Variants in PHF14 observed in about 807,000 individuals in gnomAD.
PHF14 encodes PHD finger protein 14.
PHF14 carries 55 observed loss-of-function variants against 117.9 expected under a neutral mutation model. The ratio of observed to expected loss-of-function variants is 0.47; its 90% CI spans 0.38 to 0.58. PHF14 has a LOEUF of 0.58. PHF14 is among the 20% of genes least tolerant of loss of function. PHF14 has a pLI of 0.00. For missense variants in PHF14, 978 were observed against 1,122.2 expected, an observed-to-expected ratio of 0.87 and a Z score of 1.84; for synonymous variants, 409 against 368.6, an observed-to-expected ratio of 1.11 and a Z score of -1.26.
chr7:11,133,720 C>G (rs575982660), intron 17 of PHF14, among the ~76,000 whole-genome samples: 1 of 151,988 alleles, frequency 6.6e-6, no homozygotes, highest in Admixed American at 6.6e-5. Context: ...GCTCACAGTT[C>G]TGCTAATTAT....
intron 3 of PHF14, among the ~76,000 whole-genome samples, chr7:10,984,466 A>G (rs1782148030): frequency 6.6e-6 from 1 of 152,170 alleles, no homozygotes; most frequent in African/African-American, 2.4e-5. Context: ...GCAGTTCCAT[A>G]TTATCAATGC....
chr7:11,021,295 A>T (rs1562424050), intron 5 of PHF14, among the ~76,000 whole-genome samples: 1 of 151,856 alleles, frequency 6.6e-6, no homozygotes, highest in Non-Finnish European at 1.5e-5. Context: ...AACAAGGAAG[A>T]TTTTTTTTTA....
At chr7:11,113,903 A>G (rs1787521535) in intron 17 of PHF14, among the ~76,000 whole-genome samples, 1 of 152,160 alleles carries the variant, frequency 6.6e-6, no homozygotes, top group Non-Finnish European at 1.5e-5. Flanking sequence ...CCAAGTCAAG[A>G]AAATTAGTGA....
At chr7:11,103,853 CT>C in intron 16 of PHF14, 1 of 979,726 alleles carries the variant, frequency 1.0e-6, no homozygotes, top group Non-Finnish European at 1.2e-6. Context: ...AGATTATTAG[CT>C]TATTGAAAGA....
intron 4 of PHF14, among the ~76,000 whole-genome samples, chr7:10,991,962 T>A (rs1782471519): frequency 1.3e-5 from 2 of 151,680 alleles, no homozygotes; most frequent in South Asian, 4.2e-4. Flanking sequence ...TTAAATAAAA[T>A]TCAGAAGTAG....
chr7:11,125,824 G>T (rs1381351481), intron 17 of PHF14, among the ~76,000 whole-genome samples: 1 of 151,940 alleles, frequency 6.6e-6, no homozygotes, highest in Non-Finnish European at 1.5e-5. Flanking sequence ...TTTCTTAAAG[G>T]TTTATATTAT....
intron 4 of PHF14, among the ~76,000 whole-genome samples, chr7:11,003,516 A>T (rs1782956374): frequency 6.6e-6 from 1 of 152,220 alleles, no homozygotes; most frequent in African/African-American, 2.4e-5. Flanking sequence ...GGTATACAAT[A>T]TGTTGTTATG....
chr7:10,990,736 A>G lies in PHF14; in HGVS notation c.934A>G (p.Ser312Gly). 6.4e-7 allele frequency: 1 copy of G among 1,560,796 alleles called. No homozygotes were observed. ...GATTCTTGAGAAGAGTCAAAACTGG[A>G]GCTCTCAAAAAATGGACCATATTCT... ...SLILEKSQNW[S>G]SQKMDHILIC... Residue 312 changes from serine to glycine, a missense_variant, in exon 4 of 18, where the codon AGC becomes GGC. Physicochemically the swap from Ser to Gly is moderately conservative, Grantham distance 56. This residue lies in a region of PHF14 where 414 missense variants were observed against 376.4 expected (regional missense o/e 1.10). Coordinates refer to ENST00000634607, the MANE Select transcript of PHF14 (RefSeq NM_001007157.2).
At position 10,997,212 on chromosome 7, in the gene PHF14, C is replaced by T. The variant is rs552801329; in HGVS notation, c.1045+6365C>T. ...TTTCTCTATAGTAGAGTTTAATATCCTCAAGCAGAGCAAAAAGACATTATT... is the reference window on the plus strand; with the variant it reads ...TTTCTCTATAGTAGAGTTTAATATCTTCAAGCAGAGCAAAAAGACATTATT... On this transcript the variant is annotated intron_variant, in intron 4 of 17. Transcript: ENST00000634607. Among the ~76,000 whole-genome samples, 5 of 152,098 alleles carry T rather than the reference C, an allele frequency of 3.3e-5. No homozygotes were observed. In the South Asian group the frequency reaches 1.0e-3, roughly 32 times the overall value.
intron 2 of PHF14, among the ~76,000 whole-genome samples, chr7:10,975,618 G>A (rs1402371633): frequency 2.0e-5 from 3 of 152,170 alleles, no homozygotes; most frequent in African/African-American, 7.2e-5. Context: ...TATATATACA[G>A]TTTCAATTGA....
intron 14 of PHF14, among the ~76,000 whole-genome samples, chr7:11,060,186 G>C (rs1785170482): frequency 6.6e-6 from 1 of 152,116 alleles, no homozygotes; most frequent in Non-Finnish European, 1.5e-5. Context: ...CTGTCAGTCA[G>C]ATCTTTTAGT....
chr7:11,111,586 G>T, intron 17 of PHF14, 119 bp downstream of exon 17: 3 of 545,990 alleles, frequency 5.5e-6, no homozygotes. Flanking sequence ...ATTTTAACCA[G>T]TACACCTTAA....
At chr7:11,006,235 T>C (rs1783086688) in intron 4 of PHF14, among the ~76,000 whole-genome samples, 1 of 152,254 alleles carries the variant, frequency 6.6e-6, no homozygotes, top group Admixed American at 6.5e-5. Context: ...AATCTCTTTA[T>C]TACAATGTGC....
intron 14 of PHF14, among the ~76,000 whole-genome samples, chr7:11,057,361 A>G (rs1438640917): frequency 1.3e-5 from 2 of 152,076 alleles, no homozygotes; most frequent in Admixed American, 6.6e-5. Flanking sequence ...TGAATAAACT[A>G]TTTATTTACT....
intron 13 of PHF14, among the ~76,000 whole-genome samples, chr7:11,049,380 C>T (rs1199281437): frequency 1.3e-5 from 2 of 150,392 alleles, no homozygotes; most frequent in Admixed American, 1.3e-4. Context: ...GAAGCTGAGG[C>T]AGGAGAATCG....
At position 11,098,723 on chromosome 7, in the gene PHF14, A is replaced by G. The variant is rs550626344; in HGVS notation, c.2655-12627A>G. Among the ~76,000 whole-genome samples, 4 of 152,282 alleles carry G rather than the reference A, an allele frequency of 2.6e-5. No homozygotes were observed. The South Asian group carries it at 8.3e-4, about 32-fold the overall frequency. On this transcript the variant is annotated intron_variant, in intron 16 of 17. Transcript: ENST00000634607. ...TATTCCAAGGCTGTCTTGGACATTTACTGAACAATTTAGGGTAACAGAGGC... is the reference window on the plus strand; with the variant it reads ...TATTCCAAGGCTGTCTTGGACATTTGCTGAACAATTTAGGGTAACAGAGGC...
chr7:11,103,650 A>G (rs1209560670), intron 16 of PHF14: 2 of 985,198 alleles, frequency 2.0e-6, no homozygotes, highest in Non-Finnish European at 2.4e-6. Context: ...GTGGTTTTGG[A>G]CATCTTTTCG....
intron 3 of PHF14, among the ~76,000 whole-genome samples, chr7:10,987,206 A>G: frequency 6.6e-6 from 1 of 152,192 alleles, no homozygotes; most frequent in East Asian, 1.9e-4. Flanking sequence ...TAACATTTAT[A>G]AATATCGAGA....
chr7:10,992,862 A>T (rs1782510815), intron 4 of PHF14, among the ~76,000 whole-genome samples: 1 of 152,218 alleles, frequency 6.6e-6, no homozygotes, highest in Non-Finnish European at 1.5e-5. Context: ...ATGTCTGTTT[A>T]GTCACCTTTA....
Sources: gnomAD v4.1 joint callset for allele counts (sites outside exome capture counted in the v4.1 genomes callset) on GRCh38, gnomAD v4.1.1 for gene constraint, gnomAD v4.1.1 regional missense constraint, MANE v1.5 for transcripts, NCBI Gene and HGNC (gene_info 2026-07-23, HGNC 2026-07-21) for gene names.